The following CX3CR1 variants were observed in gnomAD, a reference collection of about 807,000 sequenced individuals.
CX3CR1 encodes CX3C chemokine receptor 1.
For synonymous variants in CX3CR1, 168 were observed against 178.5 expected (o/e 0.94, Z 0.47); for missense variants, 363 against 432.4 (o/e 0.84, Z 1.42).
At chr3:39,271,361 G>A (rs544393097) in intron 1 of CX3CR1, among the ~76,000 whole-genome samples, 2 of 152,274 alleles carry the variant, frequency 1.3e-5, no homozygotes, top group South Asian at 2.1e-4. Flanking sequence ...GTTAGTAGGT[G>A]CCTGATGTGT....
At chr3:39,275,015 C>T (rs2040822945) in intron 1 of CX3CR1, among the ~76,000 whole-genome samples, 1 of 152,124 alleles carries the variant, frequency 6.6e-6, no homozygotes, top group South Asian at 2.1e-4. Context: ...GCGCCCACCA[C>T]CATGCCCAGC....
chr3:39,276,439 C>T (rs547019982), intron 1 of CX3CR1, among the ~76,000 whole-genome samples: 2 of 152,298 alleles, frequency 1.3e-5, no homozygotes, highest in South Asian at 4.1e-4. Flanking sequence ...CATGGAAATA[C>T]AAATTTTGTC....
intron 1 of CX3CR1, among the ~76,000 whole-genome samples, chr3:39,267,863 T>A (rs1283330661): frequency 6.6e-6 from 1 of 152,238 alleles, no homozygotes; most frequent in Non-Finnish European, 1.5e-5. Context: ...CCCCTTCTTT[T>A]CGCAGCCAGG....
chr3:39,270,011 C>T (rs1485881694), intron 1 of CX3CR1, among the ~76,000 whole-genome samples: 1 of 152,252 alleles, frequency 6.6e-6, no homozygotes, highest in Non-Finnish European at 1.5e-5. Flanking sequence ...GGAGGCACAG[C>T]TGGGTGAAGC....
chr3:39,289,433 G>A, the CX3CR1 span, among the ~76,000 whole-genome samples: 1 of 152,090 alleles, frequency 6.6e-6, no homozygotes, highest in Non-Finnish European at 1.5e-5. Flanking sequence ...CTCCTTCTGG[G>A]CTCTCTGGAG....
chr3:39,281,937 G>A (rs967128160), upstream of CX3CR1, among the ~76,000 whole-genome samples: 4 of 152,196 alleles, frequency 2.6e-5, no homozygotes, highest in Non-Finnish European at 4.4e-5. Flanking sequence ...AGCGTCCAGT[G>A]TCAGTTGCCT....
Position 39,266,396 on chromosome 3 carries a change from G to A in CX3CR1, c.114C>T (p.Tyr38=). 1 of 1,614,188 alleles carries A rather than the reference G, an allele frequency of 6.2e-7. No individual in the cohort carries two copies. The highest frequency in any genetic ancestry group is 8.5e-7 in the Non-Finnish European group (1 of 1,180,032). The change falls in exon 2 of 2, where the codon TAC becomes TAT. Residue 38 remains tyrosine, a synonymous_variant. Transcript: ENST00000399220. ...VFGTVFLSIF[Y]SVIFAIGLVG... Reference sequence around the variant, plus strand: ...CCAGGCCAATGGCAAAGATGACGGAGTAGAATATGGACAGGAACACAGTCC... The same window carrying A: ...CCAGGCCAATGGCAAAGATGACGGAATAGAATATGGACAGGAACACAGTCC...
chr3:39,277,897 GT>G (rs1448211056), intron 1 of CX3CR1, among the ~76,000 whole-genome samples: 15 of 152,070 alleles, frequency 9.9e-5, no homozygotes, highest in Admixed American at 2.0e-4. Context: ...AACATATATC[GT>G]TTCTTGAGCA....
rs55675170 is a variant in CX3CR1, at chr3:39,273,828, C to G, written c.-10+6126G>C. 7.4e-3 allele frequency among the ~76,000 whole-genome samples: 1,134 copies of G among 152,254 alleles called. 4 individuals are homozygous for G. Among genetic ancestry groups the G allele is most frequent in the South Asian group, 0.023 (110 of 4,824 alleles). On this transcript the variant is annotated intron_variant, in intron 1 of 1. Coordinates refer to ENST00000399220, the MANE Select transcript of CX3CR1 (RefSeq NM_001337.4). ...TATTTTTGGTAGATATGGGGTCTTA[C>G]TATGTTGACCAGGCTGGTCTTGAAC...
In CX3CR1 at chr3:39,265,311, G is replaced by T; in HGVS notation, c.*131C>A. The T allele has an allele frequency of 1.1e-6, 1 of 880,732 alleles. No individual in the cohort carries two copies. Among genetic ancestry groups the T allele is most frequent in the Non-Finnish European group, 1.8e-6 (1 of 570,896 alleles). 54.6% of individuals were successfully genotyped at this position (880,732 alleles called of 1,614,324 possible). Reference sequence around the variant, plus strand: ...GAGCACAATTCTCAACAACACTCTAGGGTTGTTTTGTGTGCATTGGGTCCA... The same window carrying T: ...GAGCACAATTCTCAACAACACTCTATGGTTGTTTTGTGTGCATTGGGTCCA... On this transcript the variant is annotated 3_prime_UTR_variant, in exon 2 of 2. Coordinates refer to ENST00000399220, the MANE Select transcript of CX3CR1 (RefSeq NM_001337.4).
At chr3:39,271,996 G>A (rs1392093639) in intron 1 of CX3CR1, among the ~76,000 whole-genome samples, 1 of 152,138 alleles carries the variant, frequency 6.6e-6, no homozygotes. Context: ...AGGTCTAATT[G>A]GTTTTCATCT....
At chr3:39,279,392 T>A (rs992444557) in intron 1 of CX3CR1, among the ~76,000 whole-genome samples, 3 of 152,118 alleles carry the variant, frequency 2.0e-5, no homozygotes, top group Non-Finnish European at 4.4e-5. Flanking sequence ...GATACAAATT[T>A]AAAAACTCTT....
In CX3CR1 at chr3:39,278,587, T is replaced by G. The variant is rs914948966; in HGVS notation, c.-10+1367A>C. 2.7e-5 allele frequency among the ~76,000 whole-genome samples: 4 copies of G among 147,662 alleles called. No individual in the cohort carries two copies. In the East Asian group the frequency reaches 6.1e-4, roughly 22 times the overall value. On this transcript the variant is annotated intron_variant, in intron 1 of 1. Coordinates refer to ENST00000399220, the MANE Select transcript of CX3CR1 (RefSeq NM_001337.4). ...ACGTGGTTCAATTTTCCTTTTTTTTTGGCTCAATTTTTTTCTGCCTCAAGT... is the reference window on the plus strand; with the variant it reads ...ACGTGGTTCAATTTTCCTTTTTTTTGGGCTCAATTTTTTTCTGCCTCAAGT...
intron 1 of CX3CR1, among the ~76,000 whole-genome samples, chr3:39,268,848 G>A (rs1189903283): frequency 6.6e-6 from 1 of 152,198 alleles, no homozygotes; most frequent in Non-Finnish European, 1.5e-5. Context: ...GGCACAGTGT[G>A]TCACATACAG....
upstream of CX3CR1, among the ~76,000 whole-genome samples, chr3:39,283,503 C>A (rs147728030): frequency 2.6e-5 from 4 of 151,854 alleles, no homozygotes; most frequent in East Asian, 5.8e-4. Flanking sequence ...TAATGTGGGC[C>A]AGGCATGGTG....
At chr3:39,283,917 T>TA (rs1295018334), upstream of CX3CR1, among the ~76,000 whole-genome samples, 92 of 140,660 alleles carry the variant, frequency 6.5e-4, no homozygotes, top group African/African-American at 2.3e-3. Context: ...GGCACTATAG[T>TA]AAAAAAAATT....
upstream of CX3CR1, among the ~76,000 whole-genome samples, chr3:39,283,274 A>G (rs1463975857): frequency 2.0e-5 from 3 of 152,168 alleles, no homozygotes; most frequent in Non-Finnish European, 2.9e-5. Context: ...AAGACCACAC[A>G]GCTCATGTGT....
At chr3:39,267,022 T>G (rs899200701) in intron 1 of CX3CR1, among the ~76,000 whole-genome samples, 3 of 152,022 alleles carry the variant, frequency 2.0e-5, no homozygotes, top group Non-Finnish European at 4.4e-5. Context: ...GACCTCAGAT[T>G]ATCCTTCCGC....
At chr3:39,280,561 A>C (rs1173690827), upstream of CX3CR1, 8 of 779,316 alleles carry the variant, frequency 1.0e-5, no homozygotes, top group African/African-American at 1.9e-5. Flanking sequence ...TAAGTTTGAG[A>C]AGCTTTGGTA....
Sources: gnomAD v4.1 joint callset for allele counts (sites outside exome capture counted in the v4.1 genomes callset) on GRCh38, gnomAD v4.1.1 for gene constraint, MANE v1.5 for transcripts, NCBI Gene and HGNC (gene_info 2026-07-23, HGNC 2026-07-21) for gene names.